The following INF2 variants were observed in gnomAD, a reference collection of about 807,000 sequenced individuals.
INF2 encodes the protein inverted formin-2.
INF2 carries 43 observed loss-of-function variants against 123.5 expected under a neutral mutation model. That is an observed-to-expected ratio of 0.35 (90% CI 0.27 to 0.45). INF2 has a LOEUF of 0.45. Among genes scored for constraint, INF2 ranks in the 20% least tolerant of loss-of-function variants. The pLI is 1.00. For missense variants in INF2, 1,453 were observed against 1,682.7 expected, an observed-to-expected ratio of 0.86 and a Z score of 2.39; for synonymous variants, 851 against 745.0, an observed-to-expected ratio of 1.14 and a Z score of -2.32.
intron 4 of INF2, 133 bp from the exon 5 acceptor site, chr14:104,703,783 C>A: frequency 6.9e-7 from 1 of 1,459,812 alleles, no homozygotes; most frequent in Non-Finnish European, 9.5e-7. Flanking sequence ...ATGATGTCTC[C>A]CCTCCAGAGC....
At position 104,714,227 on chromosome 14, in the gene INF2, AT is replaced by A; in HGVS notation, c.3066del (p.Val1024TrpfsTer27). ...GTGGCCACCAGTAACCCTGCAGGAG[AT>A]CCCGTGGGCAGCACGCGCTGTCCCG... ...EPVATSNPAG[D>X]PVGSTRCPAS... On this transcript the variant is annotated frameshift_variant, in exon 21 of 23. Transcript: ENST00000392634. LOFTEE classifies it high-confidence loss of function. 1 of 1,551,308 alleles carries A rather than the reference AT, an allele frequency of 6.4e-7. No individual in the cohort carries two copies.
At chr14:104,709,945 G>T (rs546461168) in intron 12 of INF2, 143 bp from the exon 13 acceptor site, 3 of 791,984 alleles carry the variant, frequency 3.8e-6, no homozygotes, top group Admixed American at 4.1e-5. Flanking sequence ...GCGCAGGCCC[G>T]GGAGGGTGCC....
chr14:104,708,600 AG>A lies in INF2; in HGVS notation c.1887+17del. ...GGAGCCCAAGGAGGTGGGGACGGGG[AG>A]GGGACTCAGACCGGGGCCGCCTGCC... On this transcript the variant is annotated intron_variant, in intron 9 of 22. Transcript: ENST00000392634. 1 of 1,612,558 alleles carries A rather than the reference AG, an allele frequency of 6.2e-7. No homozygotes were observed. The highest frequency in any genetic ancestry group is 8.5e-7 in the Non-Finnish European group (1 of 1,179,848).
intron 1 of INF2, among the ~76,000 whole-genome samples, chr14:104,682,948 G>A (rs1198630755): frequency 1.3e-5 from 2 of 152,124 alleles, no homozygotes; most frequent in Non-Finnish European, 2.9e-5. Flanking sequence ...TGTTGGGTGT[G>A]CCTGGGATAG....
chr14:104,698,979 C>T (rs1330413461), intron 1 of INF2, among the ~76,000 whole-genome samples: 1 of 152,210 alleles, frequency 6.6e-6, no homozygotes, highest in South Asian at 2.1e-4. Flanking sequence ...GGCCAGTTTC[C>T]TCCCACCGTG....
At chr14:104,704,651 G>A (rs1889691097) in intron 5 of INF2, 1 of 152,826 alleles carries the variant, frequency 6.5e-6, no homozygotes, top group Non-Finnish European at 1.5e-5. Flanking sequence ...CGTCACCCCA[G>A]TCTATGGAAA....
intron 1 of INF2, among the ~76,000 whole-genome samples, chr14:104,697,889 G>GT (rs938947958): frequency 6.6e-6 from 1 of 152,170 alleles, no homozygotes; most frequent in Non-Finnish European, 1.5e-5. Context: ...TGGACTGCCG[G>GT]GGGGGGTGGA....
rs976809447 is a variant in INF2 at position 104,699,950 on chromosome 14, G to A, written c.-9-1407G>A. Among the ~76,000 whole-genome samples, 1 of 152,168 alleles carries A rather than the reference G, an allele frequency of 6.6e-6. No homozygotes were observed. The highest frequency in any genetic ancestry group is 1.5e-5 in the Non-Finnish European group (1 of 68,002). ...CAGTTGGACAGGTGGAGGGCTGAGG[G>A]GCGGTGCGGGGAGTAGGGGCTGGAC... is the stretch of plus-strand genomic sequence containing the variant. On this transcript the variant is annotated intron_variant, in intron 1 of 22. Transcript: ENST00000392634. This position sits in a 1 kb window ranked among gnomAD's most constrained non-coding sequence, Gnocchi z 4.7.
At chr14:104,681,576 G>A (rs1178741692) in exon 1 of INF2, 23 of 1,289,138 alleles carry the variant, frequency 1.8e-5, no homozygotes, top group Non-Finnish European at 2.2e-5. Flanking sequence ...TGGAAAATAT[G>A]GCCAAGGTAA....
In INF2 at chr14:104,708,424, C is replaced by T; in HGVS notation, c.1736-12C>T. On this transcript the variant is annotated splice_polypyrimidine_tract_variant and intron_variant, in intron 8 of 22. Transcript: ENST00000392634. The stretch of plus-strand genomic sequence containing the variant: ...CTGCGAGAGCCTCACTGGCCGTGTC[C>T]CCACCCGACAGAGCACAACTCTATG... The T allele has an allele frequency of 6.2e-7, 1 of 1,611,004 alleles. No homozygotes were observed. Among genetic ancestry groups the T allele is most frequent in the Non-Finnish European group, 8.5e-7 (1 of 1,179,552 alleles).
intron 1 of INF2, among the ~76,000 whole-genome samples, chr14:104,695,467 C>T (rs962740523): frequency 6.6e-6 from 1 of 151,158 alleles, no homozygotes; most frequent in Non-Finnish European, 1.5e-5. Context: ...ACTGGCGAGC[C>T]GCCCACCCAC....
Position 104,714,368 on chromosome 14 carries a change from C to T in INF2, c.3206C>T (p.Pro1069Leu), listed in dbSNP as rs376139171. ...CTGGAGCAGTTGGAGGAGGGTGGTCCACGGCCCCTGGAGAGGCGTTCTTCC... is the reference window on the plus strand; with the variant it reads ...CTGGAGCAGTTGGAGGAGGGTGGTCTACGGCCCCTGGAGAGGCGTTCTTCC... ...PTLEQLEEGG[P>L]RPLERRSSWY... Residue 1069 changes from proline (P) to leucine (L), a missense_variant, in exon 21 of 23, where the codon CCA becomes CTA. Coordinates refer to ENST00000392634, the MANE Select transcript of INF2 (RefSeq NM_022489.4). 305 of 1,597,666 alleles carry T rather than the reference C, an allele frequency of 1.9e-4. 1 individual carries two copies. The highest frequency in any genetic ancestry group is 2.5e-4 in the Non-Finnish European group (288 of 1,172,900).
chr14:104,706,969 GGA>G lies in INF2; in HGVS notation c.905_906del (p.Glu302AlafsTer37). On this transcript the variant is annotated frameshift_variant, in exon 7 of 23. Transcript: ENST00000392634. LOFTEE classifies it high-confidence loss of function. Reference sequence around the variant, plus strand: ...CGGTGCTGCAGGGCCTCCTGCACCTGGAGCCCACCCTCCGCTCCAGCCAGCTG... The same window carrying G: ...CGGTGCTGCAGGGCCTCCTGCACCTGGCCCACCCTCCGCTCCAGCCAGCTG... The part of the protein sequence containing the change: ...LSVLQGLLHL[E>X]PTLRSSQLLW... The G allele has an allele frequency of 6.2e-7, 1 of 1,601,390 alleles. No individual in the cohort carries two copies. Among genetic ancestry groups the G allele is most frequent in the Non-Finnish European group, 8.5e-7 (1 of 1,179,192 alleles).
intron 2 of INF2, 53 bp from the exon 3 acceptor site, chr14:104,703,052 G>A: frequency 7.0e-7 from 1 of 1,430,954 alleles, no homozygotes; most frequent in Non-Finnish European, 9.8e-7. Flanking sequence ...AGCTGCACAG[G>A]CATGGGAAGG....
chr14:104,715,109 C>T lies in INF2; in HGVS notation c.3695-175C>T, dbSNP rs548855528. On this transcript the variant is annotated intron_variant, in intron 21 of 22. Transcript: ENST00000392634. ...CCTCCGTTAGGGAGTAGGGGGCGGACACCGGGCACCAGGTCCCAGGCAAGT... is the reference window on the plus strand; with the variant it reads ...CCTCCGTTAGGGAGTAGGGGGCGGATACCGGGCACCAGGTCCCAGGCAAGT... Among the ~76,000 whole-genome samples, 5 of 152,328 alleles carry T rather than the reference C, an allele frequency of 3.3e-5. No homozygotes were observed. The South Asian group carries it at 1.0e-3, about 32-fold the overall frequency.
In INF2 at chr14:104,719,346, T is replaced by C. The variant is rs115685078; in HGVS notation, c.*553T>C. The C allele has an allele frequency of 0.015, 2,358 of 153,732 alleles. 49 individuals carry two copies. The highest frequency in any genetic ancestry group is 0.054 in the African/African-American group (2,242 of 41,574). 9.5% of individuals were successfully genotyped at this position (153,732 alleles called of 1,614,324 possible). On this transcript the variant is annotated 3_prime_UTR_variant, in exon 23 of 23. Transcript: ENST00000392634. ...GTTGGAGTGGGGGGCGGTCTGCCTT[T>C]GCTGCCACTGCCAGGCCTCTGCCCT...
At chr14:104,705,795 CG>C (rs963144718) in intron 5 of INF2, among the ~76,000 whole-genome samples, 9 of 152,318 alleles carry the variant, frequency 5.9e-5, no homozygotes, top group African/African-American at 2.2e-4. Context: ...CAGGGGCGTG[CG>C]GGTGCCTGGT....
rs1385146569 is a variant in INF2, at chr14:104,713,289, G to T, written c.2858G>T (p.Arg953Leu). The T allele has an allele frequency of 1.3e-6, 2 of 1,550,382 alleles. No homozygotes were observed. The highest frequency in any genetic ancestry group is 1.7e-6 in the Non-Finnish European group (2 of 1,147,582). ...QLAEEEARRP[R>L]GEDGKPVRKG... Reference sequence around the variant, plus strand: ...GCGGAGGAGGAGGCGCGGCGGCCTCGGGGAGAGGACGGGAAGCCTGGTGAG... The same window carrying T: ...GCGGAGGAGGAGGCGCGGCGGCCTCTGGGAGAGGACGGGAAGCCTGGTGAG... The change falls in exon 19 of 23, where the codon CGG (arginine) becomes CTG (leucine). Residue 953 changes from arginine to leucine, a missense_variant. Arg to Leu is a moderately radical substitution (Grantham distance 102). Coordinates refer to ENST00000392634, the MANE Select transcript of INF2 (RefSeq NM_022489.4).
At chr14:104,708,941 C>G (rs950942282) in intron 10 of INF2, among the ~76,000 whole-genome samples, 9 of 152,192 alleles carry the variant, frequency 5.9e-5, no homozygotes, top group East Asian at 1.9e-4. Context: ...GACCTCCCCC[C>G]ACAAGGCCAC....
Sources: allele counts gnomAD v4.1 joint callset (sites outside exome capture counted in the v4.1 genomes callset), GRCh38; gene constraint gnomAD v4.1.1; non-coding constraint Gnocchi (gnomAD v3.1); transcripts MANE v1.5; gene names NCBI Gene and HGNC (gene_info 2026-07-23, HGNC 2026-07-21).